The following LPGAT1 variants were observed in gnomAD, a reference collection of about 807,000 sequenced individuals.
The protein encoded by LPGAT1 is lysophosphatidylglycerol acyltransferase 1, also known as acyl-CoA:lysophosphatidylglycerol acyltransferase 1.
A neutral mutation model predicts 47.5 loss-of-function variants in LPGAT1; 11 were observed. The observed-to-expected ratio is 0.23, with a 90% CI of 0.15 to 0.38. LPGAT1 has a LOEUF of 0.38. Among genes scored for constraint, LPGAT1 ranks in the 10% least tolerant of loss-of-function variants. The pLI, the probability that LPGAT1 is intolerant of heterozygous loss-of-function variation, is 1.00. For synonymous variants in LPGAT1, 138 were observed against 144.2 expected, an observed-to-expected ratio of 0.96 and a Z score of 0.31; for missense variants, 293 against 439.0, an observed-to-expected ratio of 0.67 and a Z score of 2.97.
chr1:211,824,025 G>C (rs990535177), intron 2 of LPGAT1, among the ~76,000 whole-genome samples: 2 of 151,968 alleles, frequency 1.3e-5, no homozygotes, highest in Non-Finnish European at 2.9e-5. Context: ...TTCATATTTT[G>C]TGGACTGCAA....
At chr1:211,767,989 T>C in intron 6 of LPGAT1, among the ~76,000 whole-genome samples, 1 of 152,226 alleles carries the variant, frequency 6.6e-6, no homozygotes, top group East Asian at 1.9e-4. Flanking sequence ...ACCTAAAAGT[T>C]GGTCCCCAAT....
At chr1:211,828,244 G>C (rs1401596043) in intron 2 of LPGAT1, among the ~76,000 whole-genome samples, 5 of 152,056 alleles carry the variant, frequency 3.3e-5, no homozygotes, top group Non-Finnish European at 7.4e-5. Context: ...AAACCTCTAT[G>C]ATTTTTTCAT....
At chr1:211,804,309 C>T (rs922077949) in intron 2 of LPGAT1, among the ~76,000 whole-genome samples, 5 of 152,042 alleles carry the variant, frequency 3.3e-5, no homozygotes, top group African/African-American at 1.2e-4. Context: ...CTTGGGCTCC[C>T]ACAGTATTGG....
chr1:211,811,693 G>T (rs140371203), intron 2 of LPGAT1, among the ~76,000 whole-genome samples: 3,606 of 152,162 alleles, frequency 0.024, 79 homozygotes, highest in South Asian at 0.11. Context: ...GGAGGTGGAG[G>T]GTGCAGTGTG....
intron 6 of LPGAT1, among the ~76,000 whole-genome samples, chr1:211,775,359 T>G (rs1455510808): frequency 6.6e-6 from 1 of 152,136 alleles, no homozygotes; most frequent in Non-Finnish European, 1.5e-5. Context: ...TAATGTTAAA[T>G]AAATTATGCT....
chr1:211,768,202 A>T (rs1016004220), intron 6 of LPGAT1, among the ~76,000 whole-genome samples: 1 of 152,220 alleles, frequency 6.6e-6, no homozygotes, highest in Non-Finnish European at 1.5e-5. Context: ...TTAGTATCTT[A>T]TTAAATGGTA....
At chr1:211,804,426 T>C (rs948116443) in intron 2 of LPGAT1, among the ~76,000 whole-genome samples, 10 of 152,148 alleles carry the variant, frequency 6.6e-5, no homozygotes, top group African/African-American at 1.4e-4. Context: ...ATAACATACA[T>C]TCATTGTAGT....
intron 4 of LPGAT1, among the ~76,000 whole-genome samples, chr1:211,785,770 C>A (rs1658853942): frequency 6.6e-6 from 1 of 152,008 alleles, no homozygotes; most frequent in Admixed American, 6.6e-5. Context: ...CCATGCCCAG[C>A]CAATTTTTGT....
chr1:211,795,914 C>T (rs2102560617), intron 2 of LPGAT1, among the ~76,000 whole-genome samples: 1 of 152,230 alleles, frequency 6.6e-6, no homozygotes, highest in East Asian at 1.9e-4. Context: ...GCAGTTAAAA[C>T]TCAAGAAAAG....
intron 2 of LPGAT1, among the ~76,000 whole-genome samples, chr1:211,817,493 C>G: frequency 6.6e-6 from 1 of 151,896 alleles, no homozygotes; most frequent in East Asian, 1.9e-4. Flanking sequence ...ATCACTTGAA[C>G]CCAGGAGGTG....
At chr1:211,754,831 T>G (rs965426979) in intron 6 of LPGAT1, among the ~76,000 whole-genome samples, 1 of 151,438 alleles carries the variant, frequency 6.6e-6, no homozygotes, top group South Asian at 2.1e-4. Flanking sequence ...CTGGTCAAGA[T>G]GGTGAAACCC....
chr1:211,798,581 G>A (rs189127262), intron 2 of LPGAT1, among the ~76,000 whole-genome samples: 2 of 152,160 alleles, frequency 1.3e-5, no homozygotes, highest in East Asian at 3.9e-4. Context: ...CTACTCTAGG[G>A]GCTAAGGCAG....
chr1:211,762,630 C>A (rs768582142), intron 6 of LPGAT1, among the ~76,000 whole-genome samples: 4 of 152,050 alleles, frequency 2.6e-5, no homozygotes, highest in Non-Finnish European at 5.9e-5. Flanking sequence ...AGAAATAAAC[C>A]TTTACAATAC....
intron 2 of LPGAT1, among the ~76,000 whole-genome samples, chr1:211,803,736 A>AAATGTAT (rs1452289500): frequency 1.3e-5 from 2 of 151,892 alleles, no homozygotes; most frequent in African/African-American, 4.8e-5. Flanking sequence ...ACAAACTAGA[A>AAATGTAT]AATGTATTTA....
chr1:211,824,136 G>A (rs980635587), intron 2 of LPGAT1, among the ~76,000 whole-genome samples: 3 of 152,032 alleles, frequency 2.0e-5, no homozygotes, highest in South Asian at 2.1e-4. Context: ...GGCTCACCAC[G>A]CCTGTAATCC....
intron 6 of LPGAT1, among the ~76,000 whole-genome samples, chr1:211,774,254 A>G (rs1289994648): frequency 7.0e-6 from 1 of 142,832 alleles, no homozygotes; most frequent in East Asian, 2.1e-4. Flanking sequence ...CCCGTCTCAG[A>G]CTCCTGAGTA....
intron 3 of LPGAT1, among the ~76,000 whole-genome samples, chr1:211,790,460 T>G (rs1289333098): frequency 6.6e-6 from 1 of 152,184 alleles, no homozygotes; most frequent in Non-Finnish European, 1.5e-5. Flanking sequence ...CCATAAAGTA[T>G]AAAATAAATC....
At chr1:211,775,695 G>A (rs934024298) in intron 6 of LPGAT1, among the ~76,000 whole-genome samples, 8 of 152,068 alleles carry the variant, frequency 5.3e-5, no homozygotes, top group African/African-American at 1.4e-4. Context: ...TTGGGAGGCC[G>A]AAGTGGGTGG....
intron 6 of LPGAT1, among the ~76,000 whole-genome samples, chr1:211,771,788 C>T (rs535530317): frequency 1.3e-5 from 2 of 152,230 alleles, no homozygotes; most frequent in African/African-American, 4.8e-5. Flanking sequence ...CAGGCGTGAG[C>T]GACCGTGCTG....
Sources: allele counts gnomAD v4.1 joint callset (sites outside exome capture counted in the v4.1 genomes callset), GRCh38; gene constraint gnomAD v4.1.1; transcripts MANE v1.5; gene names NCBI Gene and HGNC (gene_info 2026-07-23, HGNC 2026-07-21).